Variants in CD163L1 observed in about 807,000 individuals in gnomAD.
CD163L1 encodes the protein CD163 molecule like 1, also known as scavenger receptor cysteine-rich type 1 protein M160.
CD163L1 carries 124 observed loss-of-function variants against 165.4 expected under a neutral mutation model. The ratio of observed to expected loss-of-function variants is 0.75; its 90% CI spans 0.65 to 0.87. CD163L1 has a LOEUF of 0.87. Among genes scored for constraint, CD163L1 ranks in the 40% least tolerant of loss-of-function variants. The pLI is 0.00. For missense variants in CD163L1, 1,525 were observed against 1,799.9 expected (o/e 0.85, Z 2.76); for synonymous variants, 585 against 662.2 (o/e 0.88, Z 1.79).
intron 2 of CD163L1, chr12:7,439,614 T>G: frequency 6.2e-7 from 1 of 1,604,330 alleles, no homozygotes; most frequent in South Asian, 1.1e-5. Flanking sequence ...TATTTAAGGA[T>G]AGTCTCTGAA....
rs192614444 is a variant in CD163L1 at position 7,402,121 on chromosome 12, C to A, written c.1408+1414G>T. On this transcript the variant is annotated intron_variant, in intron 6 of 19. Transcript: ENST00000313599. ...ATAAGATATATGTAAGGTGTACATTCAAGAATGTCAGGTTAGTATAATATT... is the reference window on the plus strand; with the variant it reads ...ATAAGATATATGTAAGGTGTACATTAAAGAATGTCAGGTTAGTATAATATT... Among the ~76,000 whole-genome samples the A allele has an allele frequency of 4.5e-3, 686 of 151,842 alleles. 7 individuals are homozygous for A. Among genetic ancestry groups the A allele is most frequent in the Middle Eastern group, 6.8e-3 (2 of 292 alleles).
rs1374608877 is a variant in CD163L1, at chr12:7,369,022, C to CT, written c.4040-58dup. The CT allele has an allele frequency of 9.7e-6, 15 of 1,541,242 alleles. No individual in the cohort carries two copies. Among genetic ancestry groups the CT allele is most frequent in the Non-Finnish European group, 1.3e-5 (14 of 1,119,870 alleles). On this transcript the variant is annotated intron_variant, in intron 15 of 19. Coordinates refer to ENST00000313599, the MANE Select transcript of CD163L1 (RefSeq NM_174941.6). This position sits in a 1 kb window ranked among gnomAD's most constrained non-coding sequence, Gnocchi z 4.9. ...ATGAACGAAAAGGAACTGGGTATTT[C>CT]TTTTTACATCTCCTGCGATTATCGG...
chr12:7,329,899 C>A, the CD163L1 span, among the ~76,000 whole-genome samples: 1 of 152,140 alleles, frequency 6.6e-6, no homozygotes, highest in Admixed American at 6.5e-5. Context: ...AAATCAAAAT[C>A]TTTCTGCAGC....
At chr12:7,436,247 A>G (rs1948711164) in intron 2 of CD163L1, among the ~76,000 whole-genome samples, 1 of 152,208 alleles carries the variant, frequency 6.6e-6, no homozygotes, top group Non-Finnish European at 1.5e-5. Flanking sequence ...TAAAATGGCC[A>G]TTTTTGTCTA....
At position 7,368,175 on chromosome 12, in the gene CD163L1, G is replaced by A. The variant is rs7961164; in HGVS notation, c.4095C>T (p.Ser1365=). The part of the protein sequence containing the change: ...ASSGHLALIL[S]SIFGLLLLVL... ...CCAGGAGAAGGAGCCCAAAGATACT[G>A]GATAAAATAAGTGCTAAATGACCTG... Residue 1365 remains serine (S), a synonymous_variant, in exon 17 of 20, where the codon TCC becomes TCT. Transcript: ENST00000313599. The surrounding 1 kb of genome is among the most constrained non-coding windows in gnomAD (Gnocchi z 4.3). The A allele has an allele frequency of 0.031, 50,116 of 1,601,570 alleles. 1,745 individuals are homozygous for A. The highest frequency in any genetic ancestry group is 0.17 in the African/African-American group (12,416 of 74,310).
rs749234769 is a variant in CD163L1, at chr12:7,391,736, A to T, written c.2050+4359T>A. 9.8e-5 allele frequency among the ~76,000 whole-genome samples: 15 copies of T among 152,328 alleles called. No homozygotes were observed. In the South Asian group the frequency reaches 1.7e-3, roughly 17 times the overall value. On this transcript the variant is annotated intron_variant, in intron 8 of 19. Coordinates refer to ENST00000313599, the MANE Select transcript of CD163L1 (RefSeq NM_174941.6). ...ATAAAGGGATGGAGGAAGATCTACC[A>T]AACAACTGGAATGCAAAAAAGAGCA...
downstream of CD163L1, among the ~76,000 whole-genome samples, chr12:7,344,752 C>G (rs923352414): frequency 6.6e-5 from 10 of 152,252 alleles, no homozygotes; most frequent in African/African-American, 2.2e-4. Flanking sequence ...GCTGCCAATC[C>G]TTCTTCACTC....
intron 4 of CD163L1, among the ~76,000 whole-genome samples, chr12:7,424,302 A>C (rs951817520): frequency 1.4e-5 from 2 of 144,510 alleles, no homozygotes; most frequent in Non-Finnish European, 3.1e-5. Context: ...AAAAAAAAAA[A>C]CTCTCAATAA....
chr12:7,440,027 G>A (rs1187348335), intron 2 of CD163L1: 28 of 1,341,184 alleles, frequency 2.1e-5, no homozygotes, highest in Admixed American at 5.9e-5. Context: ...AACCCGCTGC[G>A]ACACACACCC....
rs146359540 is a variant in CD163L1, at chr12:7,420,542, G to A, written c.766+11874C>T. Among the ~76,000 whole-genome samples, 5 of 151,690 alleles carry A rather than the reference G, an allele frequency of 3.3e-5. No individual in the cohort carries two copies. In the East Asian group the frequency reaches 9.7e-4, roughly 29 times the overall value. On this transcript the variant is annotated intron_variant, in intron 4 of 19. Transcript: ENST00000313599. ...AAACAAACAATACTATCAAAAAGTG[G>A]GCTAAGGACACAAATAGACAATTCT...
Position 7,373,476 on chromosome 12 carries a change from C to T in CD163L1, c.3574G>A (p.Val1192Ile). The T allele has an allele frequency of 6.2e-7, 1 of 1,614,216 alleles. No homozygotes were observed. The highest frequency in any genetic ancestry group is 1.1e-5 in the South Asian group (1 of 91,084). ...GTCTTAGATAAAGGGGCGAGGCTGA[C>T]AACTCCATTCTCCCCACAGCCCAGC... is the stretch of plus-strand genomic sequence containing the variant. ...RQLGCGENGV[V>I]SLAPLSKTGS... The change falls in exon 14 of 20, where the codon GTC (valine) becomes ATC (isoleucine). Residue 1192 changes from valine to isoleucine, a missense_variant. Physicochemically the swap from Val to Ile is conservative, Grantham distance 29. Transcript: ENST00000313599.
chr12:7,334,479 T>A, the CD163L1 span, among the ~76,000 whole-genome samples: 1 of 152,194 alleles, frequency 6.6e-6, no homozygotes, highest in African/African-American at 2.4e-5. Flanking sequence ...TAGGTACTGA[T>A]GGGATGTATC....
intron 2 of CD163L1, among the ~76,000 whole-genome samples, chr12:7,435,607 A>G (rs758803243): frequency 6.6e-6 from 1 of 152,080 alleles, no homozygotes; most frequent in Non-Finnish European, 1.5e-5. Context: ...ATCCTCATAC[A>G]TATATTTGAA....
intron 5 of CD163L1, among the ~76,000 whole-genome samples, chr12:7,404,267 T>C (rs1947971546): frequency 1.3e-5 from 2 of 152,250 alleles, no homozygotes. Context: ...AATAAAATAG[T>C]GTTGGGAAAT....
chr12:7,328,934 T>C, the CD163L1 span, among the ~76,000 whole-genome samples: 3 of 149,578 alleles, frequency 2.0e-5, no homozygotes, highest in South Asian at 6.3e-4. Flanking sequence ...TATACACATA[T>C]GTGTATATAT....
At chr12:7,416,710 C>T (rs990079894) in intron 4 of CD163L1, among the ~76,000 whole-genome samples, 2 of 152,124 alleles carry the variant, frequency 1.3e-5, no homozygotes, top group African/African-American at 2.4e-5. Flanking sequence ...TCAGGTTTGT[C>T]AAGGATCAGA....
chr12:7,427,924 G>A lies in CD163L1; in HGVS notation c.766+4492C>T, dbSNP rs1220460130. On this transcript the variant is annotated intron_variant, in intron 4 of 19. Transcript: ENST00000313599. ...AATTATATAATAAATTTCCTATGAA[G>A]AGTGTATATTCTGACCAATTTTCAA... Among the ~76,000 whole-genome samples the A allele has an allele frequency of 4.6e-5, 7 of 152,090 alleles. 1 individual carries two copies. Among genetic ancestry groups the A allele is most frequent in the Admixed American group, 4.6e-4 (7 of 15,262 alleles).
At chr12:7,420,550 A>C (rs11053788) in intron 4 of CD163L1, among the ~76,000 whole-genome samples, 79,285 of 151,826 alleles carry the variant, frequency 0.52, 25,494 homozygotes, top group Non-Finnish European at 0.73. Context: ...TGGGCTAAGG[A>C]CACAAATAGA....
the CD163L1 span, chr12:7,323,576 G>C: frequency 2.5e-6 from 4 of 1,602,822 alleles, no homozygotes; most frequent in Non-Finnish European, 3.4e-6. Flanking sequence ...AGGATAGAAA[G>C]TGCTGGTCAT....
Sources: gnomAD v4.1 joint callset for allele counts (sites outside exome capture counted in the v4.1 genomes callset) on GRCh38, gnomAD v4.1.1 for gene constraint, Gnocchi (gnomAD v3.1) non-coding constraint, MANE v1.5 for transcripts, NCBI Gene and HGNC (gene_info 2026-07-23, HGNC 2026-07-21) for gene names.